RBFOX1: variants seen among roughly 807,000 people sequenced by gnomAD.
RBFOX1 encodes RNA binding fox-1 homolog 1.
A neutral mutation model predicts 57.7 loss-of-function variants in RBFOX1; 8 were observed. The ratio of observed to expected loss-of-function variants is 0.14; its 90% confidence interval spans 0.08 to 0.25. The LOEUF (loss-of-function observed/expected upper bound fraction) is 0.25. Ranked by LOEUF, RBFOX1 falls within the 10% of genes least tolerant of loss-of-function variation. The pLI is 1.00. For synonymous variants in RBFOX1, 326 were observed against 222.4 expected, an observed-to-expected ratio of 1.47 and a Z score of -4.15; for missense variants, 611 against 548.5, an observed-to-expected ratio of 1.11 and a Z score of -1.14.
At chr16:7,480,509 G>T (rs185279011) in intron 4 of RBFOX1, among the ~76,000 whole-genome samples, 2 of 152,200 alleles carry the variant, frequency 1.3e-5, no homozygotes, top group East Asian at 1.9e-4. Flanking sequence ...AATTGTCACC[G>T]GCTCCGTTTA....
intron 3 of RBFOX1, among the ~76,000 whole-genome samples, chr16:5,707,675 T>G (rs1596867780): frequency 6.6e-6 from 1 of 152,342 alleles, no homozygotes; most frequent in East Asian, 1.9e-4. Flanking sequence ...CATCCTTGTT[T>G]GGAAACCTTA....
intron 2 of RBFOX1, among the ~76,000 whole-genome samples, chr16:6,334,123 C>T (rs1157136811): frequency 2.0e-5 from 3 of 152,092 alleles, no homozygotes; most frequent in African/African-American, 4.8e-5. Context: ...CTAAGTATTA[C>T]TTTAGGGTTA....
At chr16:6,392,683 A>T (rs980388149) in intron 2 of RBFOX1, among the ~76,000 whole-genome samples, 2 of 152,206 alleles carry the variant, frequency 1.3e-5, no homozygotes, top group African/African-American at 4.8e-5. Context: ...CTCAGAGTAG[A>T]TGTTGTTCCA....
intron 4 of RBFOX1, among the ~76,000 whole-genome samples, chr16:7,501,308 G>GCT (rs1192185716): frequency 1.3e-5 from 2 of 152,170 alleles, no homozygotes; most frequent in African/African-American, 4.8e-5. Context: ...TAAATTATCA[G>GCT]CTCTCTCTCT....
At chr16:5,382,352 C>G (rs1266594898) in intron 1 of RBFOX1, among the ~76,000 whole-genome samples, 1 of 151,524 alleles carries the variant, frequency 6.6e-6, no homozygotes, top group Non-Finnish European at 1.5e-5. Context: ...TGTATTACCA[C>G]TTGTTTGCAT....
At chr16:5,922,265 C>T (rs923291304) in intron 4 of RBFOX1, among the ~76,000 whole-genome samples, 1 of 152,162 alleles carries the variant, frequency 6.6e-6, no homozygotes, top group South Asian at 2.1e-4. Context: ...GGGATCCATC[C>T]CCATGATTCA....
chr16:6,534,812 A>C (rs548729814), intron 2 of RBFOX1, among the ~76,000 whole-genome samples: 1 of 152,280 alleles, frequency 6.6e-6, no homozygotes, highest in South Asian at 2.1e-4. Context: ...GTGTGTTGGC[A>C]AAACACCATG....
intron 1 of RBFOX1, among the ~76,000 whole-genome samples, chr16:6,200,511 C>T (rs772351833): frequency 1.3e-5 from 2 of 152,080 alleles, no homozygotes; most frequent in African/African-American, 2.4e-5. Context: ...CTAAAAATCA[C>T]CACTCTGTGT....
intron 3 of RBFOX1, among the ~76,000 whole-genome samples, chr16:6,880,877 C>G (rs985995899): frequency 1.3e-5 from 2 of 152,112 alleles, no homozygotes; most frequent in African/African-American, 4.8e-5. Flanking sequence ...ATGTGGTTGA[C>G]AGAAATAAGC....
chr16:6,633,570 A>G (rs1239042526), intron 2 of RBFOX1, among the ~76,000 whole-genome samples: 1 of 152,194 alleles, frequency 6.6e-6, no homozygotes, highest in Non-Finnish European at 1.5e-5. Context: ...CTGGGATTAC[A>G]GGCCTGAGAC....
chr16:6,376,125 A>C (rs2091142599), intron 2 of RBFOX1, among the ~76,000 whole-genome samples: 1 of 152,072 alleles, frequency 6.6e-6, no homozygotes, highest in Non-Finnish European at 1.5e-5. Flanking sequence ...CTCATATCAC[A>C]TTTATCCCAG....
intron 2 of RBFOX1, among the ~76,000 whole-genome samples, chr16:6,487,474 T>A (rs1173936305): frequency 6.6e-6 from 1 of 151,510 alleles, no homozygotes; most frequent in African/African-American, 2.4e-5. Flanking sequence ...TAACATAATT[T>A]TGTGCTTGCA....
chr16:5,794,585 C>G (rs1042695641), intron 3 of RBFOX1, among the ~76,000 whole-genome samples: 1 of 152,006 alleles, frequency 6.6e-6, no homozygotes, highest in Admixed American at 6.6e-5. Context: ...TCGGGCAGGT[C>G]AGATGTTGTG....
At chr16:5,853,541 T>C (rs780220808) in intron 3 of RBFOX1, among the ~76,000 whole-genome samples, 1 of 152,128 alleles carries the variant, frequency 6.6e-6, no homozygotes, top group African/African-American at 2.4e-5. Context: ...GACTTGGAGA[T>C]CTCTCTTGAC....
At chr16:7,086,897 C>A (rs987281831) in intron 4 of RBFOX1, among the ~76,000 whole-genome samples, 1 of 152,184 alleles carries the variant, frequency 6.6e-6, no homozygotes, top group African/African-American at 2.4e-5. Context: ...TGAATTGGCA[C>A]ACAGGCTTCT....
rs138531798 is a variant in RBFOX1 at position 6,251,683 on chromosome 16, G to A, written c.-126-65312G>A. Among the ~76,000 whole-genome samples, 227 of 152,210 alleles carry A rather than the reference G, an allele frequency of 1.5e-3. 1 individual carries two copies. The highest frequency in any genetic ancestry group is 5.1e-3 in the African/African-American group (213 of 41,544). Reference sequence around the variant, plus strand: ...CACAGAGTTTGGTGCATCAGTACATGTGAGTTAAGGGAACAACCAAATTAC... The same window carrying A: ...CACAGAGTTTGGTGCATCAGTACATATGAGTTAAGGGAACAACCAAATTAC... On this transcript the variant is annotated intron_variant, in intron 1 of 15. Transcript: ENST00000550418.
chr16:6,354,807 C>G (rs1219065180), intron 2 of RBFOX1, among the ~76,000 whole-genome samples: 1 of 152,130 alleles, frequency 6.6e-6, no homozygotes, highest in Non-Finnish European at 1.5e-5. Flanking sequence ...ATGGCACTTA[C>G]TAATAGAAGA....
At position 5,337,089 on chromosome 16, in the gene RBFOX1, G is replaced by A. The variant is rs751396370; in HGVS notation, c.219+96984G>A. The stretch of plus-strand genomic sequence containing the variant: ...GGTGAGGAGCAGAGGCGAGTTCTGC[G>A]GAGCTGAAGAGATGGCCGGCTGGGG... On this transcript the variant is annotated intron_variant, in intron 1 of 2. Transcript: ENST00000585867. Among the ~76,000 whole-genome samples, 4 of 152,294 alleles carry A rather than the reference G, an allele frequency of 2.6e-5. No individual in the cohort carries two copies. The East Asian group carries it at 5.8e-4, about 22-fold the overall frequency.
chr16:6,025,428 G>T (rs7359334), intron 1 of RBFOX1, among the ~76,000 whole-genome samples: 35,793 of 152,088 alleles, frequency 0.24, 4,800 homozygotes, highest in Non-Finnish European at 0.3. Flanking sequence ...ACCCTGGGAG[G>T]ATACATCTGT....
Sources: gnomAD v4.1 joint callset for allele counts (sites outside exome capture counted in the v4.1 genomes callset) on GRCh38, gnomAD v4.1.1 for gene constraint, MANE v1.5 for transcripts, NCBI Gene and HGNC (gene_info 2026-07-23, HGNC 2026-07-21) for gene names.